The following MFAP1 variants were observed in gnomAD, a reference collection of about 807,000 sequenced individuals.
The protein encoded by MFAP1 is microfibril associated protein 1.
MFAP1 carries 18 observed loss-of-function variants against 62.2 expected under a neutral mutation model. The observed-to-expected ratio is 0.29, with a 90% CI of 0.20 to 0.43. The LOEUF is 0.43. Ranked by LOEUF, MFAP1 falls within the 20% of genes least tolerant of loss-of-function variation. MFAP1 has a pLI of 1.00. For synonymous variants in MFAP1, 175 were observed against 180.4 expected (o/e 0.97, Z 0.24); for missense variants, 355 against 559.7 (o/e 0.63, Z 3.69).
In MFAP1 at chr15:43,814,957, TTCC is replaced by T; in HGVS notation, c.414_416del (p.Glu139del). The stretch of plus-strand genomic sequence containing the variant: ...TCCTTTATCATACCTCATCATCAAT[TTCC>T]TCCTCCTCTTCTTCACTGCTGTCTT... On this transcript the variant is annotated inframe_deletion, in exon 3 of 9. Transcript: ENST00000267812. 1 of 1,614,004 alleles carries T rather than the reference TTCC, an allele frequency of 6.2e-7. No individual in the cohort carries two copies. Among genetic ancestry groups the T allele is most frequent in the Non-Finnish European group, 8.5e-7 (1 of 1,179,992 alleles).
rs1430511056 is a variant in MFAP1, at chr15:43,813,141, C to T, written c.733G>A (p.Glu245Lys). ...ERRKYTLKIV[E>K]EETKKELEEN... ...TCCAGCTCTTTTTTGGTTTCCTCTTCGACAATCTGGATAGGGAGAACAATT... is the reference window on the plus strand; with the variant it reads ...TCCAGCTCTTTTTTGGTTTCCTCTTTGACAATCTGGATAGGGAGAACAATT... Residue 245 changes from glutamate to lysine, a missense_variant, in exon 6 of 9, where the codon GAA becomes AAA. Physicochemically the swap from Glu to Lys is moderately conservative, Grantham distance 56. Coordinates refer to ENST00000267812, the MANE Select transcript of MFAP1 (RefSeq NM_005926.3). 5.0e-6 allele frequency: 8 copies of T among 1,614,026 alleles called. No individual in the cohort carries two copies. Among genetic ancestry groups the T allele is most frequent in the African/African-American group, 1.3e-5 (1 of 74,926 alleles).
intron 1 of MFAP1, 87 bp from the exon 2 acceptor site, chr15:43,817,535 T>A: frequency 7.8e-7 from 1 of 1,287,468 alleles, no homozygotes; most frequent in Non-Finnish European, 1.1e-6. Context: ...GAGCCCTTTA[T>A]TCATAGTAGA....
At chr15:43,808,157 A>G (rs141840282) in intron 7 of MFAP1, among the ~76,000 whole-genome samples, 7 of 152,254 alleles carry the variant, frequency 4.6e-5, no homozygotes, top group Non-Finnish European at 8.8e-5. Flanking sequence ...TTATAAACAC[A>G]TATGCTGAAG....
intron 2 of MFAP1, 69 bp from the exon 3 acceptor site, chr15:43,815,143 T>A: frequency 6.3e-7 from 1 of 1,594,102 alleles, no homozygotes; most frequent in Non-Finnish European, 8.6e-7. Context: ...TGCATTTCCA[T>A]AGCCACAGAG....
At position 43,805,212 on chromosome 15, in the gene MFAP1, G is replaced by A; in HGVS notation, c.1202C>T (p.Ser401Phe). ...YTHLVDQDTTSFDSAWGQESA... is the reference protein window; with the variant it reads ...YTHLVDQDTTFFDSAWGQESA... ...CTCTTGGCCCCAAGCTGAGTCAAAG[G>A]AGGTGGTATCTTGATCCACAAGGTG... Residue 401 changes from serine (S) to phenylalanine (F), a missense_variant, in exon 9 of 9, where the codon TCC becomes TTC. Transcript: ENST00000267812. 1 of 1,602,274 alleles carries A rather than the reference G, an allele frequency of 6.2e-7. No individual in the cohort carries two copies. Among genetic ancestry groups the A allele is most frequent in the Non-Finnish European group, 8.5e-7 (1 of 1,169,856 alleles).
intron 7 of MFAP1, among the ~76,000 whole-genome samples, chr15:43,807,562 A>G (rs2087373799): frequency 6.6e-6 from 1 of 151,642 alleles, no homozygotes; most frequent in Admixed American, 6.6e-5. Context: ...GTTAGCCAGG[A>G]TGGTCTCAAT....
intron 4 of MFAP1, 107 bp downstream of exon 4, chr15:43,814,394 C>A (rs2087421816): frequency 1.5e-6 from 2 of 1,300,134 alleles, no homozygotes; most frequent in Non-Finnish European, 2.1e-6. Flanking sequence ...AAAGCACTTT[C>A]ACTCAGCGTT....
chr15:43,820,197 A>T (rs2141712645), intron 1 of MFAP1, among the ~76,000 whole-genome samples: 1 of 152,270 alleles, frequency 6.6e-6, no homozygotes, highest in South Asian at 2.1e-4. Flanking sequence ...ACGCACCTGT[A>T]GTCCCAGCTA....
rs2087354397 is a variant in MFAP1 at position 43,805,080 on chromosome 15, T to C, written c.*14A>G. The stretch of plus-strand genomic sequence containing the variant: ...CCCTTGTGTTCCACAGTTGGAAGAA[T>C]AAGCAGTTGGACCCTAGGTAGTTTT... On this transcript the variant is annotated 3_prime_UTR_variant, in exon 9 of 9. Transcript: ENST00000267812. The C allele has an allele frequency of 6.4e-7, 1 of 1,558,256 alleles. No homozygotes were observed. The highest frequency in any genetic ancestry group is 1.4e-5 in the African/African-American group (1 of 73,394).
intron 1 of MFAP1, among the ~76,000 whole-genome samples, chr15:43,817,944 A>G (rs575082): frequency 0.61 from 92,629 of 151,368 alleles, 31,227 homozygotes; most frequent in East Asian, 0.74. Flanking sequence ...AATCTTACCT[A>G]TTTCTACCTT....
chr15:43,806,120 A>C (rs1310242939), intron 7 of MFAP1, among the ~76,000 whole-genome samples: 1 of 151,262 alleles, frequency 6.6e-6, no homozygotes, highest in Non-Finnish European at 1.5e-5. Flanking sequence ...ACTATGCCTA[A>C]TTTTCTCCTT....
chr15:43,809,899 T>C lies in MFAP1; in HGVS notation c.903A>G (p.Lys301=). 6.2e-7 allele frequency: 1 copy of C among 1,614,184 alleles called. No homozygotes were observed. Among genetic ancestry groups the C allele is most frequent in the Non-Finnish European group, 8.5e-7 (1 of 1,180,032 alleles). The change falls in exon 7 of 9, where the codon AAA becomes AAG. Residue 301 remains lysine (K), a synonymous_variant. Coordinates refer to ENST00000267812, the MANE Select transcript of MFAP1 (RefSeq NM_005926.3). ...GGTTTCGCATGCGTTCAATTTCTGC[T>C]TTCTCCTTCTCAAGCCTGTCCAGGG... is the stretch of plus-strand genomic sequence containing the variant. The part of the protein sequence containing the change: ...REDREALEKE[K]AEIERMRNLT...
At chr15:43,823,131 C>T (rs928552897) in intron 1 of MFAP1, among the ~76,000 whole-genome samples, 7 of 150,630 alleles carry the variant, frequency 4.6e-5, no homozygotes, top group African/African-American at 1.2e-4. Context: ...GCCACCGCGC[C>T]GGGCCCTAAT....
At chr15:43,811,901 T>G (rs948083538) in intron 6 of MFAP1, among the ~76,000 whole-genome samples, 3 of 151,910 alleles carry the variant, frequency 2.0e-5, no homozygotes, top group Non-Finnish European at 1.5e-5. Context: ...CAGAAATGAT[T>G]CTGCTGGGGC....
chr15:43,815,803 T>G (rs961596420), intron 2 of MFAP1, among the ~76,000 whole-genome samples: 2 of 152,100 alleles, frequency 1.3e-5, no homozygotes, highest in African/African-American at 4.8e-5. Context: ...CCAGCTAATT[T>G]TTTTATTTTT....
At chr15:43,809,467 C>T (rs1285118398) in intron 7 of MFAP1, among the ~76,000 whole-genome samples, 1 of 151,616 alleles carries the variant, frequency 6.6e-6, no homozygotes, top group Non-Finnish European at 1.5e-5. Flanking sequence ...GTACCCCAGC[C>T]TGGGTGACAG....
intron 1 of MFAP1, among the ~76,000 whole-genome samples, chr15:43,818,762 C>T (rs964601576): frequency 1.3e-5 from 2 of 151,968 alleles, no homozygotes; most frequent in African/African-American, 4.8e-5. Context: ...TGGTATATGC[C>T]TGTGGTCCCA....
At chr15:43,811,620 G>A (rs947884576) in intron 6 of MFAP1, among the ~76,000 whole-genome samples, 3 of 150,214 alleles carry the variant, frequency 2.0e-5, no homozygotes, top group African/African-American at 7.3e-5. Context: ...CGATTCTCTT[G>A]CCTCCGCCTC....
intron 4 of MFAP1, 135 bp downstream of exon 4, chr15:43,814,366 A>T: frequency 5.4e-6 from 5 of 928,320 alleles, no homozygotes; most frequent in Non-Finnish European, 8.1e-6. Context: ...CTAGTCTGCC[A>T]AGGGTAGAGC....
Sources: allele counts gnomAD v4.1 joint callset (sites outside exome capture counted in the v4.1 genomes callset), GRCh38; gene constraint gnomAD v4.1.1; transcripts MANE v1.5; gene names NCBI Gene and HGNC (gene_info 2026-07-23, HGNC 2026-07-21).